The following DCBLD1 variants were observed in gnomAD, a reference collection of about 807,000 sequenced individuals.
DCBLD1 encodes discoidin, CUB and LCCL domain-containing protein 1.
Under a neutral mutation model 71.5 loss-of-function variants are expected in DCBLD1, and 57 were observed. The ratio of observed to expected loss-of-function variants is 0.80; its 90% CI spans 0.64 to 0.99. DCBLD1 has a LOEUF of 0.99. DCBLD1 is among the 50% of genes least tolerant of loss of function. DCBLD1 has a pLI of 0.00. For missense variants in DCBLD1, 891 were observed against 923.5 expected (o/e 0.96, Z 0.46); for synonymous variants, 380 against 363.8 (o/e 1.04, Z -0.51).
Position 117,549,684 on chromosome 6 carries a change from C to CT in DCBLD1, c.*1246dup. On this transcript the variant is annotated 3_prime_UTR_variant, in exon 15 of 15. Coordinates refer to ENST00000338728, the MANE Select transcript of DCBLD1 (RefSeq NM_001366458.2). Reference sequence around the variant, plus strand: ...TATATATGTTAAAATAATGGGGGTGCTGGAAGGTCATGGCAGACTAGCTGC... The same window carrying CT: ...TATATATGTTAAAATAATGGGGGTGCTTGGAAGGTCATGGCAGACTAGCTGC... 1 of 985,304 alleles carries CT rather than the reference C, an allele frequency of 1.0e-6. No homozygotes were observed. Among genetic ancestry groups the CT allele is most frequent in the Non-Finnish European group, 1.2e-6 (1 of 829,940 alleles). The allele number at this position is 985,304 out of a possible 1,614,324, so 61.0% of individuals were successfully genotyped here. A position where few individuals can be genotyped will look rare whatever the true frequency, so the allele number is the denominator to read the frequency against.
chr6:117,487,999 T>TA (rs1777149687), intron 1 of DCBLD1, among the ~76,000 whole-genome samples: 2 of 152,160 alleles, frequency 1.3e-5, no homozygotes, highest in African/African-American at 4.8e-5. Context: ...GATGTGGAAA[T>TA]AGAGTCGTGA....
chr6:117,550,920 A>G (rs1395050516), downstream of DCBLD1, among the ~76,000 whole-genome samples: 6 of 152,218 alleles, frequency 3.9e-5, no homozygotes, highest in African/African-American at 1.2e-4. Flanking sequence ...ATCTGAGAGC[A>G]GTTGAATCCC....
chr6:117,546,361 G>A (rs974172221), intron 14 of DCBLD1, among the ~76,000 whole-genome samples: 3 of 152,084 alleles, frequency 2.0e-5, no homozygotes, highest in African/African-American at 7.2e-5. Context: ...CTCCTCACGT[G>A]CAGCCTGAGG....
At chr6:117,557,560 T>C (rs891534056) in intron 14 of DCBLD1, among the ~76,000 whole-genome samples, 7 of 152,104 alleles carry the variant, frequency 4.6e-5, no homozygotes, top group African/African-American at 1.7e-4. Flanking sequence ...GTCAGAAAGT[T>C]CAAGACCAGC....
intron 3 of DCBLD1, among the ~76,000 whole-genome samples, 185 bp from the exon 4 acceptor site, chr6:117,521,340 G>A (rs1012324835): frequency 6.6e-6 from 1 of 152,154 alleles, no homozygotes; most frequent in South Asian, 2.1e-4. Flanking sequence ...AAAAAGAAAC[G>A]AAAGGAACTC....
intron 14 of DCBLD1, among the ~76,000 whole-genome samples, chr6:117,565,030 T>C (rs1418365918): frequency 6.6e-6 from 1 of 152,182 alleles, no homozygotes; most frequent in African/African-American, 2.4e-5. Context: ...ATGTGGATTA[T>C]AGCTACTGAT....
chr6:117,518,545 G>A (rs1421084696), intron 2 of DCBLD1, among the ~76,000 whole-genome samples: 1 of 152,124 alleles, frequency 6.6e-6, no homozygotes, highest in East Asian at 1.9e-4. Context: ...TGCTGATAAG[G>A]ACATACCTGA....
At chr6:117,563,531 G>A (rs1779630410) in intron 14 of DCBLD1, 1 of 673,658 alleles carries the variant, frequency 1.5e-6, no homozygotes. Flanking sequence ...AGACCAGCCT[G>A]GACAATGTGG....
downstream of DCBLD1, among the ~76,000 whole-genome samples, chr6:117,551,038 T>C (rs546296870): frequency 2.0e-5 from 3 of 152,300 alleles, no homozygotes; most frequent in African/African-American, 7.2e-5. Flanking sequence ...CCACCCACAC[T>C]GCTGTGTTCA....
chr6:117,492,534 C>A (rs1339574056), intron 1 of DCBLD1, among the ~76,000 whole-genome samples: 1 of 152,136 alleles, frequency 6.6e-6, no homozygotes, highest in Non-Finnish European at 1.5e-5. Context: ...GTTACTTATG[C>A]AATTAAGCCT....
rs777612682 is a variant in DCBLD1, at chr6:117,538,643, G to A, written c.784G>A (p.Glu262Lys). 1 of 1,613,430 alleles carries A rather than the reference G, an allele frequency of 6.2e-7. No homozygotes were observed. Among genetic ancestry groups the A allele is most frequent in the Non-Finnish European group, 8.5e-7 (1 of 1,179,936 alleles). The stretch of plus-strand genomic sequence containing the variant: ...AGGTTGCAGCAGATCCTTGAGTTTT[G>A]AACCTGACGGGCAAATCAGAGCTTC... ...SNGCSRSLSFEPDGQIRASSS... is the reference protein window; with the variant it reads ...SNGCSRSLSFKPDGQIRASSS... The change falls in exon 8 of 15, where the codon GAA becomes AAA. Residue 262 changes from glutamate (E) to lysine (K), a missense_variant. Coordinates refer to ENST00000338728, the MANE Select transcript of DCBLD1 (RefSeq NM_001366458.2).
intron 2 of DCBLD1, among the ~76,000 whole-genome samples, chr6:117,512,061 A>G (rs1274824989): frequency 6.6e-6 from 1 of 152,158 alleles, no homozygotes; most frequent in African/African-American, 2.4e-5. Flanking sequence ...TTTTTAACAC[A>G]ACCATAAGCC....
At chr6:117,549,974 C>T (rs903010673), downstream of DCBLD1, among the ~76,000 whole-genome samples, 2 of 152,196 alleles carry the variant, frequency 1.3e-5, no homozygotes, top group Non-Finnish European at 2.9e-5. Flanking sequence ...TGATGAGACT[C>T]GGTTTCCTCA....
At chr6:117,508,504 G>C (rs188228964) in intron 2 of DCBLD1, among the ~76,000 whole-genome samples, 1 of 152,064 alleles carries the variant, frequency 6.6e-6, no homozygotes, top group African/African-American at 2.4e-5. Context: ...CACTGAAGAG[G>C]GAAGACTTTG....
At chr6:117,561,046 G>A (rs1045855) in intron 14 of DCBLD1, 39,379 of 221,430 alleles carry the variant, frequency 0.18, 3,837 homozygotes, top group Non-Finnish European at 0.2. Flanking sequence ...TTCTAACACC[G>A]GACAGGAAGC....
At chr6:117,532,132 A>G in intron 5 of DCBLD1, 128 bp from the exon 6 acceptor site, 2 of 1,336,686 alleles carry the variant, frequency 1.5e-6, no homozygotes, top group Non-Finnish European at 2.0e-6. Flanking sequence ...ACTCCAGGGC[A>G]TGGCCATTGG....
intron 14 of DCBLD1, among the ~76,000 whole-genome samples, chr6:117,567,535 C>G (rs1219594685): frequency 6.6e-6 from 1 of 152,054 alleles, no homozygotes; most frequent in Non-Finnish European, 1.5e-5. Flanking sequence ...ATTCAAGAAA[C>G]TCCTACAAAA....
At chr6:117,546,519 C>G (rs1015950938) in intron 14 of DCBLD1, among the ~76,000 whole-genome samples, 2 of 152,210 alleles carry the variant, frequency 1.3e-5, no homozygotes, top group African/African-American at 4.8e-5. Flanking sequence ...AGAGCATCCT[C>G]TGCAACCAAA....
At chr6:117,551,718 A>G (rs1779431395), downstream of DCBLD1, among the ~76,000 whole-genome samples, 1 of 152,102 alleles carries the variant, frequency 6.6e-6, no homozygotes, top group Admixed American at 6.5e-5. Flanking sequence ...CCTTGTGAAG[A>G]ATTCTGATTT....
Sources: allele counts gnomAD v4.1 joint callset (sites outside exome capture counted in the v4.1 genomes callset), GRCh38; gene constraint gnomAD v4.1.1; transcripts MANE v1.5; gene names NCBI Gene and HGNC (gene_info 2026-07-23, HGNC 2026-07-21).